SDK1: variants seen among roughly 807,000 people sequenced by gnomAD.
The protein encoded by SDK1 is protein sidekick-1.
Under a neutral mutation model 245.5 loss-of-function variants are expected in SDK1, and 157 were observed. That is an observed-to-expected ratio of 0.64 (90% confidence interval 0.56 to 0.73). The LOEUF is 0.73. Ranked by LOEUF, SDK1 falls within the 30% of genes least tolerant of loss-of-function variation. The probability of loss-of-function intolerance (pLI) is 0.00; values close to 1 mark genes in which losing one functional copy is unlikely to be tolerated. For missense variants in SDK1, 3,583 were observed against 3,002.3 expected (o/e 1.19, Z -4.52); for synonymous variants, 1,647 against 1,278.5 (o/e 1.29, Z -6.15).
chr7:4,250,531 G>A (rs1312262571), intron 44 of SDK1, among the ~76,000 whole-genome samples: 5 of 152,128 alleles, frequency 3.3e-5, no homozygotes, highest in Admixed American at 2.6e-4. Flanking sequence ...TTTTATTAGA[G>A]ACAGGGTTTT....
intron 16 of SDK1, among the ~76,000 whole-genome samples, chr7:4,014,010 C>T (rs78325179): frequency 0.017 from 2,609 of 152,374 alleles, 30 homozygotes; most frequent in South Asian, 0.041. Flanking sequence ...TCCTGTGGCA[C>T]TGCTGCTCTT....
At chr7:4,157,686 A>T (rs1462178723) in intron 30 of SDK1, among the ~76,000 whole-genome samples, 1 of 152,152 alleles carries the variant, frequency 6.6e-6, no homozygotes, top group African/African-American at 2.4e-5. Flanking sequence ...GTAAAGTGAC[A>T]TGTGAATATT....
intron 32 of SDK1, among the ~76,000 whole-genome samples, chr7:4,172,148 C>T (rs1055246646): frequency 2.0e-5 from 3 of 152,194 alleles, no homozygotes; most frequent in African/African-American, 7.2e-5. Context: ...TATATCCCGT[C>T]GTGCTGTTCC....
At chr7:4,181,831 G>A (rs1357967080) in intron 35 of SDK1, among the ~76,000 whole-genome samples, 1 of 152,262 alleles carries the variant, frequency 6.6e-6, no homozygotes, top group Non-Finnish European at 1.5e-5. Context: ...AGTCAGCAGA[G>A]CCGGTTCCCA....
At chr7:4,033,976 A>C (rs1482346525) in intron 17 of SDK1, among the ~76,000 whole-genome samples, 4 of 152,152 alleles carry the variant, frequency 2.6e-5, no homozygotes, top group African/African-American at 9.7e-5. Flanking sequence ...AAACGGAGTA[A>C]CTCGACCCTG....
chr7:3,353,538 A>G (rs11770681), intron 1 of SDK1, among the ~76,000 whole-genome samples: 36,138 of 152,152 alleles, frequency 0.24, 4,707 homozygotes, highest in East Asian at 0.38. Flanking sequence ...TTGGAAAAGT[A>G]ATGTGTAGCT....
intron 22 of SDK1, among the ~76,000 whole-genome samples, chr7:4,107,619 T>C (rs1299788023): frequency 1.3e-5 from 2 of 152,104 alleles, no homozygotes; most frequent in Non-Finnish European, 2.9e-5. Flanking sequence ...CGCTAAACCA[T>C]GCCACAGGGC....
At chr7:3,897,142 T>G (rs1311164297) in intron 5 of SDK1, among the ~76,000 whole-genome samples, 1 of 152,120 alleles carries the variant, frequency 6.6e-6, no homozygotes, top group Non-Finnish European at 1.5e-5. Context: ...CCACAACACA[T>G]GGGGATTACA....
intron 1 of SDK1, among the ~76,000 whole-genome samples, chr7:3,327,241 C>T (rs1207899198): frequency 6.6e-6 from 1 of 152,116 alleles, no homozygotes; most frequent in Non-Finnish European, 1.5e-5. Flanking sequence ...AGGTGGGGAT[C>T]TTCAGTTTAG....
At chr7:3,936,141 A>G (rs781023338) in intron 5 of SDK1, among the ~76,000 whole-genome samples, 9 of 152,322 alleles carry the variant, frequency 5.9e-5, no homozygotes, top group Non-Finnish European at 1.2e-4. Context: ...AGTCAGCAGA[A>G]GACAAATACT....
intron 1 of SDK1, among the ~76,000 whole-genome samples, chr7:3,407,217 C>T (rs530561601): frequency 2.0e-5 from 3 of 152,350 alleles, no homozygotes; most frequent in African/African-American, 7.2e-5. Flanking sequence ...CTTTCTGGAA[C>T]TTTGCGTGAA....
At chr7:3,734,702 A>G (rs1232987315) in intron 4 of SDK1, among the ~76,000 whole-genome samples, 1 of 152,180 alleles carries the variant, frequency 6.6e-6, no homozygotes, top group Non-Finnish European at 1.5e-5. Flanking sequence ...TATTTTTGTG[A>G]TGTATGGGAC....
chr7:3,541,180 G>C (rs762153293), intron 1 of SDK1, among the ~76,000 whole-genome samples: 11 of 152,248 alleles, frequency 7.2e-5, no homozygotes, highest in Non-Finnish European at 1.0e-4. Flanking sequence ...GTCTAAGGCA[G>C]TGGACTCATG....
At chr7:3,429,120 A>G (rs1327676171) in intron 1 of SDK1, among the ~76,000 whole-genome samples, 1 of 152,210 alleles carries the variant, frequency 6.6e-6, no homozygotes, top group Middle Eastern at 3.2e-3. Flanking sequence ...TTCTGCAATA[A>G]TGAGAAGGCT....
chr7:3,640,517 G>A (rs1404801311), intron 3 of SDK1, among the ~76,000 whole-genome samples: 1 of 152,154 alleles, frequency 6.6e-6, no homozygotes, highest in Non-Finnish European at 1.5e-5. Flanking sequence ...GAATAATTGA[G>A]AACTTTTATT....
intron 4 of SDK1, among the ~76,000 whole-genome samples, chr7:3,812,001 A>G (rs529635182): frequency 1.1e-4 from 17 of 152,146 alleles, no homozygotes; most frequent in African/African-American, 3.9e-4. Context: ...TAAAATGAAC[A>G]GACTGGCTTC....
intron 1 of SDK1, among the ~76,000 whole-genome samples, chr7:3,588,370 A>G (rs1780755840): frequency 6.6e-6 from 1 of 152,248 alleles, no homozygotes; most frequent in Admixed American, 6.5e-5. Context: ...ACTAATGAGT[A>G]AAGGCTATGC....
chr7:3,775,753 T>C (rs924916197), intron 4 of SDK1, among the ~76,000 whole-genome samples: 8 of 152,038 alleles, frequency 5.3e-5, no homozygotes, highest in African/African-American at 7.2e-5. Context: ...ATTTTTTGTA[T>C]TTTTAGTAGA....
At chr7:3,470,047 C>T (rs1158452616) in intron 1 of SDK1, among the ~76,000 whole-genome samples, 1 of 152,034 alleles carries the variant, frequency 6.6e-6, no homozygotes, top group South Asian at 2.1e-4. Flanking sequence ...ATTCATTTTT[C>T]CATATTTAAC....
Sources: allele counts gnomAD v4.1 joint callset (sites outside exome capture counted in the v4.1 genomes callset), GRCh38; gene constraint gnomAD v4.1.1; transcripts MANE v1.5; gene names NCBI Gene and HGNC (gene_info 2026-07-23, HGNC 2026-07-21).